Variants in HDGFL3 observed in about 807,000 individuals in gnomAD.
The protein encoded by HDGFL3 is HDGF like 3.
In HDGFL3, 6 loss-of-function variants were observed where a neutral mutation model predicts 27.6. The observed-to-expected ratio is 0.22, with a 90% CI of 0.12 to 0.43. The LOEUF (loss-of-function observed/expected upper bound fraction) is 0.43, where lower values mean the gene tolerates loss of function less well. Ranked by LOEUF, HDGFL3 falls within the 20% of genes least tolerant of loss-of-function variation. The pLI is 1.00. For synonymous variants in HDGFL3, 88 were observed against 88.9 expected (o/e 0.99, Z 0.05); for missense variants, 207 against 250.1 (o/e 0.83, Z 1.16).
chr15:83,139,065 A>C lies in HDGFL3; in HGVS notation c.*205T>G, dbSNP rs1313928288. 2.8e-6 allele frequency: 1 copy of C among 351,560 alleles called. No homozygotes were observed. The highest frequency in any genetic ancestry group is 2.1e-5 in the African/African-American group (1 of 47,730). 21.8% of individuals were successfully genotyped at this position (351,560 alleles called of 1,614,324 possible). On this transcript the variant is annotated 3_prime_UTR_variant, in exon 6 of 6. Coordinates refer to ENST00000299633, the MANE Select transcript of HDGFL3 (RefSeq NM_016073.4). The stretch of plus-strand genomic sequence containing the variant: ...TCATGCAACCAAATAACATGAAATT[A>C]AATCAGTAACTTTTAAAAAAGGCTA...
At chr15:83,175,847 G>A (rs1222436345) in intron 1 of HDGFL3, among the ~76,000 whole-genome samples, 5 of 152,136 alleles carry the variant, frequency 3.3e-5, no homozygotes, top group Non-Finnish European at 7.4e-5. Flanking sequence ...GCGACAGAGC[G>A]AGACTTCGTC....
chr15:83,190,352 T>C (rs928088534), intron 1 of HDGFL3, among the ~76,000 whole-genome samples: 3 of 152,186 alleles, frequency 2.0e-5, no homozygotes, highest in Non-Finnish European at 4.4e-5. Flanking sequence ...AGTCAGAAAG[T>C]ATGCAAAATC....
At chr15:83,147,927 A>C (rs1028595007) in intron 5 of HDGFL3, among the ~76,000 whole-genome samples, 3 of 152,258 alleles carry the variant, frequency 2.0e-5, no homozygotes, top group Non-Finnish European at 4.4e-5. Flanking sequence ...GAAGTCCTAC[A>C]AATCAGTAAG....
chr15:83,157,363 G>A (rs1267207125), intron 4 of HDGFL3, 52 bp downstream of exon 4: 1 of 1,501,510 alleles, frequency 6.7e-7, no homozygotes. Flanking sequence ...ATCTAAAAAT[G>A]TTTAATGGAT....
intron 1 of HDGFL3, among the ~76,000 whole-genome samples, chr15:83,200,928 T>C (rs1237861579): frequency 1.3e-5 from 2 of 151,264 alleles, no homozygotes; most frequent in African/African-American, 2.4e-5. Context: ...CCAGACTAAA[T>C]GTGGTAAATT....
Position 83,127,875 on chromosome 15 carries a change from G to A in HDGFL3, c.*11395C>T, listed in dbSNP as rs537779617. 2.4e-5 allele frequency: 6 copies of A among 248,958 alleles called. No individual in the cohort carries two copies. Among genetic ancestry groups the A allele is most frequent in the East Asian group, 3.1e-4 (2 of 6,530 alleles). The allele number at this position is 248,958 out of a possible 1,614,324, so 15.4% of individuals were successfully genotyped here. On this transcript the variant is annotated 3_prime_UTR_variant, in exon 6 of 6. Transcript: ENST00000299633. ...ATTTAAGACTTCAGAATTCCACTAC[G>A]CTATGCTATACAGAACCAGGGAAAC...
intron 1 of HDGFL3, among the ~76,000 whole-genome samples, chr15:83,187,157 T>C (rs2037453377): frequency 6.7e-6 from 1 of 149,386 alleles, no homozygotes; most frequent in Admixed American, 6.6e-5. Flanking sequence ...TCTTGGAAAT[T>C]CTTTTTTTTT....
chr15:83,163,973 T>C, intron 2 of HDGFL3, 26 bp downstream of exon 2: 1 of 1,467,540 alleles, frequency 6.8e-7, no homozygotes, highest in Non-Finnish European at 9.6e-7. Flanking sequence ...AAGCTAGAGC[T>C]GTTGAAACTA....
downstream of HDGFL3, among the ~76,000 whole-genome samples, chr15:83,124,351 G>A (rs755227502): frequency 6.6e-6 from 1 of 152,012 alleles, no homozygotes; most frequent in Non-Finnish European, 1.5e-5. Context: ...GTATACCAAC[G>A]GTTAATAGTG....
At position 83,177,193 on chromosome 15, in the gene HDGFL3, A is replaced by AGTGAT. The variant is rs572700014; in HGVS notation, c.85-13119_85-13118insATCAC. Among the ~76,000 whole-genome samples, 19 of 152,382 alleles carry AGTGAT rather than the reference A, an allele frequency of 1.2e-4. No individual in the cohort carries two copies. The East Asian group carries it at 2.5e-3, about 20-fold the overall frequency. On this transcript the variant is annotated intron_variant, in intron 1 of 5. Transcript: ENST00000299633. ...CTCGGCCTCCCGAAGTGCTGGGATT[A>AGTGAT]CAGGCGTGAGCCATTTTGCATTTTT...
intron 2 of HDGFL3, among the ~76,000 whole-genome samples, chr15:83,162,357 T>A (rs1223499907): frequency 2.0e-5 from 3 of 152,136 alleles, no homozygotes; most frequent in Non-Finnish European, 4.4e-5. Context: ...CAGGTATTTT[T>A]AAATCTGCCT....
rs367877533 is a variant in HDGFL3 at position 83,136,719 on chromosome 15, T to C, written c.*2551A>G. On this transcript the variant is annotated 3_prime_UTR_variant, in exon 6 of 6. Coordinates refer to ENST00000299633, the MANE Select transcript of HDGFL3 (RefSeq NM_016073.4). Reference sequence around the variant, plus strand: ...CTTTCTAAATTACTAACTTTTGTTATACTGGTACTGATATTTTGTCCCATT... The same window carrying C: ...CTTTCTAAATTACTAACTTTTGTTACACTGGTACTGATATTTTGTCCCATT... The C allele has an allele frequency of 1.4e-6, 2 of 1,480,702 alleles. No homozygotes were observed. Among genetic ancestry groups the C allele is most frequent in the Admixed American group, 4.1e-5 (2 of 49,046 alleles). The allele number at this position is 1,480,702 out of a possible 1,614,324, so 91.7% of individuals were successfully genotyped here.
At chr15:83,165,492 C>T (rs2037158580) in intron 1 of HDGFL3, among the ~76,000 whole-genome samples, 9 of 152,106 alleles carry the variant, frequency 5.9e-5, no homozygotes, top group Admixed American at 5.9e-4. Context: ...AGCAGCTCTC[C>T]CCATGTGGCT....
chr15:83,148,016 A>G (rs919896878), intron 5 of HDGFL3, among the ~76,000 whole-genome samples: 1 of 152,212 alleles, frequency 6.6e-6, no homozygotes, highest in Non-Finnish European at 1.5e-5. Flanking sequence ...GTCAATAAAC[A>G]TGAAAGGCAG....
chr15:83,135,354 A>G lies in HDGFL3; in HGVS notation c.*3916T>C, dbSNP rs1567160728. 6.6e-6 allele frequency: 1 copy of G among 152,256 alleles called. No individual in the cohort carries two copies. The highest frequency in any genetic ancestry group is 1.5e-5 in the Non-Finnish European group (1 of 68,044). 9.4% of individuals were successfully genotyped at this position (152,256 alleles called of 1,614,324 possible). On this transcript the variant is annotated 3_prime_UTR_variant, in exon 6 of 6. Coordinates refer to ENST00000299633, the MANE Select transcript of HDGFL3 (RefSeq NM_016073.4). ...TGTAAAATAACTTATATGTATTTAA[A>G]GCAAATTATCTAGTTCTTCATTCTT...
chr15:83,197,278 C>T (rs1354259948), intron 1 of HDGFL3, among the ~76,000 whole-genome samples: 1 of 152,140 alleles, frequency 6.6e-6, no homozygotes, highest in African/African-American at 2.4e-5. Flanking sequence ...CAAAATATTT[C>T]CATTTATAAT....
chr15:83,174,159 C>T (rs1273134449), intron 1 of HDGFL3, among the ~76,000 whole-genome samples: 1 of 152,124 alleles, frequency 6.6e-6, no homozygotes, highest in Admixed American at 6.5e-5. Flanking sequence ...TCTAGATTTC[C>T]TTCAAGTCCT....
chr15:83,194,418 A>T (rs1174148700), intron 1 of HDGFL3, among the ~76,000 whole-genome samples: 1 of 152,160 alleles, frequency 6.6e-6, no homozygotes, highest in African/African-American at 2.4e-5. Flanking sequence ...ATGTAGAGTT[A>T]TTTTTTAATG....
intron 3 of HDGFL3, among the ~76,000 whole-genome samples, chr15:83,120,864 C>G (rs927614052): frequency 1.3e-5 from 2 of 151,438 alleles, no homozygotes; most frequent in African/African-American, 4.9e-5. Flanking sequence ...CCGTGCCCGG[C>G]TCCAGCTCAT....
Sources: gnomAD v4.1 joint callset for allele counts (sites outside exome capture counted in the v4.1 genomes callset) on GRCh38, gnomAD v4.1.1 for gene constraint, MANE v1.5 for transcripts, NCBI Gene and HGNC (gene_info 2026-07-23, HGNC 2026-07-21) for gene names.